Variants in GALK2 observed in about 807,000 individuals in gnomAD.
The protein encoded by GALK2 is N-acetylgalactosamine kinase.
In GALK2, 36 loss-of-function variants were observed where a neutral mutation model predicts 52.4. The observed-to-expected ratio is 0.69, with a 90% CI of 0.53 to 0.91. The LOEUF (loss-of-function observed/expected upper bound fraction) is 0.91. GALK2 is among the 40% of genes least tolerant of loss of function. The probability of loss-of-function intolerance (pLI) is 0.00; values close to 1 mark genes in which losing one functional copy is unlikely to be tolerated. For missense variants in GALK2, 579 were observed against 559.1 expected (o/e 1.04, Z -0.36); for synonymous variants, 176 against 199.1 (o/e 0.88, Z 0.98).
intron 1 of GALK2, among the ~76,000 whole-genome samples, chr15:49,175,026 T>C (rs200740602): frequency 6.6e-6 from 1 of 152,136 alleles, no homozygotes; most frequent in South Asian, 2.1e-4. Flanking sequence ...TCTTATACAA[T>C]AGAGTCATAC....
chr15:49,366,374 G>T, intron 3 of GALK2: 1 of 790,482 alleles, frequency 1.3e-6, no homozygotes, highest in Admixed American at 1.7e-5. Context: ...TCTTTTCTGT[G>T]CATTTCTGGT....
chr15:49,299,561 C>T (rs1812926), intron 8 of GALK2, among the ~76,000 whole-genome samples: 99,996 of 151,850 alleles, frequency 0.66, 33,538 homozygotes, highest in African/African-American at 0.74. Flanking sequence ...TTTAGCTGTG[C>T]CCTACAAATT....
Position 49,319,665 on chromosome 15 carries a change from CCA to C in GALK2, c.1030_1031del (p.Gln344ValfsTer2). ...TGTACAGCGAGGCTGCGCGAGTGCT[CCA>C]GTTTAAGAAGATATGTGAAGAAGCA... is the stretch of plus-strand genomic sequence containing the variant. ...HVYSEAARVLQFKKICEEAPE... is the reference protein window; with the variant it reads ...HVYSEAARVLXFKKICEEAPE... On this transcript the variant is annotated frameshift_variant, in exon 9 of 10. Transcript: ENST00000560031. LOFTEE classifies it high-confidence loss of function. The C allele has an allele frequency of 6.2e-7, 1 of 1,614,098 alleles. No individual in the cohort carries two copies.
chr15:49,177,364 AC>A (rs113118073), intron 1 of GALK2, among the ~76,000 whole-genome samples: 28,567 of 152,138 alleles, frequency 0.19, 2,827 homozygotes, highest in Non-Finnish European at 0.21. Context: ...TATGTTTTAA[AC>A]ACTGCCAGAT....
At chr15:49,192,485 G>GTATATATATGTA (rs1555400548) in intron 1 of GALK2, among the ~76,000 whole-genome samples, 1,207 of 102,770 alleles carry the variant, frequency 0.012, 21 homozygotes, top group Non-Finnish European at 0.018. Flanking sequence ...ATATATATAT[G>GTATATATATGTA]TATATATATA....
At chr15:49,356,017 ATACTT>A (rs1186597427) in intron 3 of GALK2, among the ~76,000 whole-genome samples, 1 of 151,936 alleles carries the variant, frequency 6.6e-6, no homozygotes, top group Non-Finnish European at 1.5e-5. Flanking sequence ...GAGAAATAAA[ATACTT>A]TACAGACAAG....
At chr15:49,164,602 A>G (rs1163523887) in intron 1 of GALK2, among the ~76,000 whole-genome samples, 1 of 151,784 alleles carries the variant, frequency 6.6e-6, no homozygotes, top group African/African-American at 2.4e-5. Context: ...CCAACATGGT[A>G]AAACCCCATC....
intron 5 of GALK2, among the ~76,000 whole-genome samples, chr15:49,264,279 T>C (rs1430716595): frequency 2.0e-5 from 3 of 152,092 alleles, no homozygotes; most frequent in Non-Finnish European, 4.4e-5. Context: ...CTTTTTATTC[T>C]TTTTTCTCTA....
chr15:49,365,264 A>G (rs2044935029), intron 3 of GALK2: 1 of 1,279,890 alleles, frequency 7.8e-7, no homozygotes, highest in Non-Finnish European at 1.1e-6. Flanking sequence ...TGAGGCAATA[A>G]TAAGTGTGCA....
intron 3 of GALK2, among the ~76,000 whole-genome samples, chr15:49,221,295 G>T (rs540193810): frequency 1.3e-5 from 2 of 152,170 alleles, no homozygotes; most frequent in Non-Finnish European, 2.9e-5. Context: ...TCTGCATATG[G>T]GTATTGAGTT....
chr15:49,170,379 G>C lies in GALK2; in HGVS notation c.53+4G>C. 6.3e-7 allele frequency: 1 copy of C among 1,587,446 alleles called. No individual in the cohort carries two copies. On this transcript the variant is annotated splice_donor_region_variant and intron_variant, in intron 1 of 9. Transcript: ENST00000560031. ...TCCAGGTGGCAGAACATCCTAGGTG[G>C]GGGAGAGGAGACGCCGGGCTTTGGG... is the stretch of plus-strand genomic sequence containing the variant.
intron 3 of GALK2, among the ~76,000 whole-genome samples, chr15:49,230,853 G>C (rs1349185032): frequency 2.6e-5 from 4 of 152,204 alleles, no homozygotes; most frequent in South Asian, 4.1e-4. Flanking sequence ...ACATGGAAGT[G>C]GGGGTAGAGA....
rs143987038 is a variant in GALK2, at chr15:49,299,780, T to C, written c.967+7243T>C. Among the ~76,000 whole-genome samples, 186 of 135,740 alleles carry C rather than the reference T, an allele frequency of 1.4e-3. 3 individuals are homozygous for C. Among genetic ancestry groups the C allele is most frequent in the African/African-American group, 4.0e-3 (142 of 35,896 alleles). 89.1% of individuals were successfully genotyped at this position (135,740 alleles called of 152,430 possible). A position where few individuals can be genotyped will look rare whatever the true frequency, so the allele number is the denominator to read the frequency against. ...CTTTCTTTCTTTCTTTCTTTCTTTC[T>C]TTCTTTCTTTCTTTCGTGCTGTAGT... On this transcript the variant is annotated intron_variant, in intron 8 of 9. Transcript: ENST00000560031.
rs540617879 is a variant in GALK2 at position 49,207,143 on chromosome 15, A to G, written c.142+5893A>G. Reference sequence around the variant, plus strand: ...TGTTTATGTGGTGTATCACATTTATAGACTTGCCTATGTTAAACCATCCCT... The same window carrying G: ...TGTTTATGTGGTGTATCACATTTATGGACTTGCCTATGTTAAACCATCCCT... On this transcript the variant is annotated intron_variant, in intron 2 of 9. Transcript: ENST00000560031. 3.3e-5 allele frequency among the ~76,000 whole-genome samples: 5 copies of G among 152,298 alleles called. No individual in the cohort carries two copies. In the South Asian group the frequency reaches 8.3e-4, roughly 25 times the overall value.
intron 1 of GALK2, among the ~76,000 whole-genome samples, chr15:49,179,248 C>G (rs1386808904): frequency 1.3e-5 from 2 of 151,918 alleles, no homozygotes; most frequent in African/African-American, 2.4e-5. Flanking sequence ...TTATAAAACC[C>G]TCAAACAAAC....
intron 7 of GALK2, 147 bp downstream of exon 7, chr15:49,283,865 G>A: frequency 2.5e-6 from 2 of 803,274 alleles, no homozygotes; most frequent in African/African-American, 1.7e-5. Context: ...TGGGTACAGA[G>A]AAATCTGATT....
chr15:49,337,886 T>C (rs1435641867), intron 3 of GALK2, among the ~76,000 whole-genome samples: 5 of 152,246 alleles, frequency 3.3e-5, no homozygotes. Flanking sequence ...TGCCACATTT[T>C]CTTTATCCAG....
chr15:49,327,866 A>AGAT (rs1382286920), intron 9 of GALK2, 86 bp from the exon 10 acceptor site: 2 of 1,282,686 alleles, frequency 1.6e-6, no homozygotes, highest in African/African-American at 3.0e-5. Context: ...CTTAGAACTT[A>AGAT]GATAGGCTAT....
intron 3 of GALK2, among the ~76,000 whole-genome samples, chr15:49,353,117 T>C (rs1369870076): frequency 1.3e-5 from 2 of 152,178 alleles, no homozygotes; most frequent in Non-Finnish European, 2.9e-5. Context: ...AAAATGGAAA[T>C]AGTTGCCAAT....
Sources: gnomAD v4.1 joint callset for allele counts (sites outside exome capture counted in the v4.1 genomes callset) on GRCh38, gnomAD v4.1.1 for gene constraint, MANE v1.5 for transcripts, NCBI Gene and HGNC (gene_info 2026-07-23, HGNC 2026-07-21) for gene names.